PRKN: variants seen among roughly 807,000 people sequenced by gnomAD.
PRKN encodes E3 ubiquitin-protein ligase parkin.
PRKN carries 56 observed loss-of-function variants against 59.5 expected under a neutral mutation model. That is an observed-to-expected ratio of 0.94 (90% CI 0.76 to 1.18). The LOEUF (loss-of-function observed/expected upper bound fraction) is 1.18. Ranked by LOEUF, PRKN falls within the 50% of genes most tolerant of loss-of-function variation. The pLI is 0.00. For missense variants in PRKN, 657 were observed against 596.4 expected, an observed-to-expected ratio of 1.10 and a Z score of -1.06; for synonymous variants, 250 against 222.1, an observed-to-expected ratio of 1.13 and a Z score of -1.12.
intron 6 of PRKN, among the ~76,000 whole-genome samples, chr6:161,971,931 A>G (rs765037475): frequency 4.6e-5 from 7 of 152,326 alleles, no homozygotes; most frequent in Admixed American, 2.0e-4. Context: ...AGTCTGAAAC[A>G]ATAGATTCTT....
intron 1 of PRKN, among the ~76,000 whole-genome samples, chr6:162,617,254 C>T (rs749011092): frequency 1.3e-5 from 2 of 152,034 alleles, no homozygotes; most frequent in East Asian, 1.9e-4. Context: ...TTTTTTGAGA[C>T]GGAGTCACAC....
chr6:162,341,182 A>G (rs1247662418), intron 2 of PRKN, among the ~76,000 whole-genome samples: 1 of 152,210 alleles, frequency 6.6e-6, no homozygotes, highest in East Asian at 1.9e-4. Context: ...GTCATTAGAG[A>G]AATGCAAATC....
chr6:162,205,762 G>A (rs1025971182), intron 3 of PRKN, among the ~76,000 whole-genome samples: 5 of 151,790 alleles, frequency 3.3e-5, no homozygotes, highest in African/African-American at 4.8e-5. Context: ...ACACACACAC[G>A]TACATAGCAT....
chr6:162,531,290 G>T (rs1224204446), intron 1 of PRKN, among the ~76,000 whole-genome samples: 2 of 152,106 alleles, frequency 1.3e-5, no homozygotes, highest in Non-Finnish European at 2.9e-5. Flanking sequence ...TAACCGTCAA[G>T]GGGTTCACCT....
rs1338509202 is a variant in PRKN, at chr6:161,483,992, C to T, written c.1083+64862G>A. ...GCTGAATGATGAGCACACATGGACA[C>T]ATGGGGGAACAACACACACTGGGGC... On this transcript the variant is annotated intron_variant, in intron 9 of 11. Transcript: ENST00000366898. This position sits in a 1 kb window ranked among gnomAD's most constrained non-coding sequence, Gnocchi z 5.0. Among the ~76,000 whole-genome samples the T allele has an allele frequency of 6.6e-6, 1 of 152,020 alleles. No individual in the cohort carries two copies. Among genetic ancestry groups the T allele is most frequent in the Non-Finnish European group, 1.5e-5 (1 of 68,022 alleles).
At chr6:162,561,095 C>T (rs748632668) in intron 1 of PRKN, among the ~76,000 whole-genome samples, 13 of 152,072 alleles carry the variant, frequency 8.5e-5, no homozygotes, top group East Asian at 3.9e-4. Flanking sequence ...ATCCATGGAG[C>T]GTGTCCAACT....
chr6:161,460,931 T>C lies in PRKN; in HGVS notation c.1084-74054A>G, dbSNP rs1482383889. ...CGCCCAGCTAATTTTTCTTTCTTTTTTTTTTTTAGCAGAGACGGGGTTTCA... is the reference window on the plus strand; with the variant it reads ...CGCCCAGCTAATTTTTCTTTCTTTTCTTTTTTTAGCAGAGACGGGGTTTCA... On this transcript the variant is annotated intron_variant, in intron 9 of 11. Transcript: ENST00000366898. The surrounding 1 kb of genome is among the most constrained non-coding windows in gnomAD (Gnocchi z 5.0). Among the ~76,000 whole-genome samples, 2 of 151,734 alleles carry C rather than the reference T, an allele frequency of 1.3e-5. No homozygotes were observed. The highest frequency in any genetic ancestry group is 1.3e-4 in the Admixed American group (2 of 15,200).
intron 9 of PRKN, among the ~76,000 whole-genome samples, chr6:161,493,238 C>A (rs1777624011): frequency 6.6e-6 from 1 of 152,148 alleles, no homozygotes; most frequent in Non-Finnish European, 1.5e-5. Flanking sequence ...AGTAGACAAT[C>A]TTTATTGAAT....
At chr6:161,753,281 C>T (rs980818229) in intron 7 of PRKN, among the ~76,000 whole-genome samples, 2 of 151,954 alleles carry the variant, frequency 1.3e-5, no homozygotes, top group South Asian at 2.1e-4. Context: ...GAGCCACCAC[C>T]GAGGGAGAAG....
intron 8 of PRKN, among the ~76,000 whole-genome samples, chr6:161,558,133 C>T (rs1422795468): frequency 1.3e-5 from 2 of 152,118 alleles, no homozygotes; most frequent in South Asian, 2.1e-4. Context: ...GCCTCGGAGC[C>T]ACAAAGAAGT....
At chr6:162,660,049 T>C (rs1463613907) in intron 1 of PRKN, among the ~76,000 whole-genome samples, 1 of 152,116 alleles carries the variant, frequency 6.6e-6, no homozygotes, top group Non-Finnish European at 1.5e-5. Context: ...ATTTCATCCA[T>C]TATTTTCCTG....
intron 5 of PRKN, among the ~76,000 whole-genome samples, chr6:162,041,374 A>G (rs1010049740): frequency 3.3e-5 from 5 of 152,148 alleles, no homozygotes; most frequent in African/African-American, 1.2e-4. Flanking sequence ...AATTCTTACC[A>G]CTTGGTGGCC....
intron 6 of PRKN, among the ~76,000 whole-genome samples, chr6:161,867,245 G>A (rs1263473923): frequency 6.6e-6 from 1 of 152,026 alleles, no homozygotes; most frequent in Non-Finnish European, 1.5e-5. Flanking sequence ...ATGTAGAAAG[G>A]GCCAGATAGT....
rs1427369008 is a variant in PRKN, at chr6:161,448,557, TTTC to T, written c.1084-61683_1084-61681del. 6.6e-6 allele frequency among the ~76,000 whole-genome samples: 1 copy of T among 152,238 alleles called. No individual in the cohort carries two copies. The highest frequency in any genetic ancestry group is 1.5e-5 in the Non-Finnish European group (1 of 68,046). The stretch of plus-strand genomic sequence containing the variant: ...TTCTCTTATCCCAGTTTCTTCCGTC[TTTC>T]TTCTCTTCTTTCTCTTTCTCTGTCC... On this transcript the variant is annotated intron_variant, in intron 9 of 11. Coordinates refer to ENST00000366898, the MANE Select transcript of PRKN (RefSeq NM_004562.3). This position sits in a 1 kb window ranked among gnomAD's most constrained non-coding sequence, Gnocchi z 5.1.
At position 162,576,297 on chromosome 6, in the gene PRKN, A is replaced by T. The variant is rs115621009; in HGVS notation, c.8-132824T>A. Among the ~76,000 whole-genome samples, 448 of 152,304 alleles carry T rather than the reference A, an allele frequency of 2.9e-3. 2 individuals carry two copies. Among genetic ancestry groups the T allele is most frequent in the African/African-American group, 0.011 (438 of 41,584 alleles). On this transcript the variant is annotated intron_variant, in intron 1 of 11. Coordinates refer to ENST00000366898, the MANE Select transcript of PRKN (RefSeq NM_004562.3). ...AATGCCTGGACAGTTAGACACAATT[A>T]TTAATAAAAGTCAAATCTCAAAAGG...
At chr6:162,126,806 C>CTGTTTGTTTGTT (rs143861022) in intron 4 of PRKN, among the ~76,000 whole-genome samples, 1 of 151,924 alleles carries the variant, frequency 6.6e-6, no homozygotes, top group Non-Finnish European at 1.5e-5. Flanking sequence ...ATTCATTTTC[C>CTGTTTGTTTGTT]TGTTTGTTTG....
At chr6:161,906,655 C>CATATATATATATATATATATATAT (rs1168847600) in intron 6 of PRKN, among the ~76,000 whole-genome samples, 15 of 90,570 alleles carry the variant, frequency 1.7e-4, no homozygotes, top group African/African-American at 6.5e-4. Flanking sequence ...TCTAATAGAA[C>CATATATATATATATATATATATAT]ATACATATAT....
chr6:161,949,478 T>G (rs923763316), intron 6 of PRKN, among the ~76,000 whole-genome samples: 1 of 152,036 alleles, frequency 6.6e-6, no homozygotes, highest in Admixed American at 6.6e-5. Context: ...GCCACTGCAC[T>G]CCAGCCTGGG....
chr6:162,354,233 G>C (rs1423944198), intron 2 of PRKN, among the ~76,000 whole-genome samples: 1 of 152,086 alleles, frequency 6.6e-6, no homozygotes, highest in East Asian at 1.9e-4. Flanking sequence ...CTAAGAGAGT[G>C]GTTGTTATCA....
Sources: gnomAD v4.1 joint callset for allele counts (sites outside exome capture counted in the v4.1 genomes callset) on GRCh38, gnomAD v4.1.1 for gene constraint, Gnocchi (gnomAD v3.1) non-coding constraint, MANE v1.5 for transcripts, NCBI Gene and HGNC (gene_info 2026-07-23, HGNC 2026-07-21) for gene names.